The following SPMIP2 variants were observed in gnomAD, a reference collection of about 807,000 sequenced individuals.
SPMIP2 encodes the protein sperm microtubule inner protein 2, also known as protein SPMIP2.
the SPMIP2 span, among the ~76,000 whole-genome samples, chr4:158,932,874 T>C: frequency 1.3e-5 from 2 of 152,220 alleles, no homozygotes; most frequent in African/African-American, 4.8e-5. Context: ...AAGAGAGGAA[T>C]GGGAATAGTA....
chr4:159,063,977 G>T, the SPMIP2 span, among the ~76,000 whole-genome samples: 1 of 152,184 alleles, frequency 6.6e-6, no homozygotes, highest in East Asian at 1.9e-4. Context: ...TTCTAAAAAA[G>T]ACATGTAGGG....
chr4:158,908,407 A>G, the SPMIP2 span, among the ~76,000 whole-genome samples: 1 of 152,230 alleles, frequency 6.6e-6, no homozygotes, highest in Non-Finnish European at 1.5e-5. Flanking sequence ...AAAAAACACA[A>G]TGTATTTTTA....
At chr4:158,985,188 G>A in the SPMIP2 span, among the ~76,000 whole-genome samples, 1 of 143,306 alleles carries the variant, frequency 7.0e-6, no homozygotes, top group Non-Finnish European at 1.5e-5. Flanking sequence ...ATTCACAGCC[G>A]AATTCTACCA....
the SPMIP2 span, among the ~76,000 whole-genome samples, chr4:159,015,669 G>A: frequency 2.6e-5 from 4 of 152,084 alleles, no homozygotes; most frequent in Admixed American, 6.6e-5. Flanking sequence ...ACAATGCTTT[G>A]TAATTTGTAT....
At chr4:158,996,058 G>A in the SPMIP2 span, among the ~76,000 whole-genome samples, 13 of 152,150 alleles carry the variant, frequency 8.5e-5, no homozygotes, top group East Asian at 1.5e-3. Context: ...ACGACGTCTC[G>A]TTTGCTTTGG....
the SPMIP2 span, among the ~76,000 whole-genome samples, chr4:158,952,486 T>C: frequency 1.1e-4 from 17 of 152,336 alleles, no homozygotes; most frequent in Admixed American, 4.6e-4. Flanking sequence ...TGGAACTAAG[T>C]CCAATTAAAC....
chr4:159,043,387 C>T, the SPMIP2 span, among the ~76,000 whole-genome samples: 1 of 152,156 alleles, frequency 6.6e-6, no homozygotes, highest in African/African-American at 2.4e-5. Context: ...CACTCTGTCG[C>T]CCAGGCTGGA....
chr4:158,944,532 C>T, the SPMIP2 span, among the ~76,000 whole-genome samples: 4 of 152,220 alleles, frequency 2.6e-5, no homozygotes, highest in Non-Finnish European at 5.9e-5. Context: ...TCAAATACAA[C>T]CTAAAAATGA....
the SPMIP2 span, among the ~76,000 whole-genome samples, chr4:158,931,602 C>T: frequency 5.5e-4 from 83 of 152,216 alleles, no homozygotes; most frequent in Middle Eastern, 0.014. Flanking sequence ...GGGTCTGGCT[C>T]TTTTGCCCAG....
the SPMIP2 span, among the ~76,000 whole-genome samples, chr4:159,036,653 G>C: frequency 6.6e-6 from 1 of 152,172 alleles, no homozygotes; most frequent in Non-Finnish European, 1.5e-5. Context: ...TTATACAAGA[G>C]TGCTTCTCAT....
the SPMIP2 span, among the ~76,000 whole-genome samples, chr4:159,012,459 G>A: frequency 6.6e-6 from 1 of 152,208 alleles, no homozygotes; most frequent in Non-Finnish European, 1.5e-5. Context: ...ACAGCACCCA[G>A]AGAGGAAAGA....
the SPMIP2 span, among the ~76,000 whole-genome samples, chr4:158,925,844 A>G: frequency 2.6e-5 from 4 of 152,184 alleles, no homozygotes; most frequent in African/African-American, 9.7e-5. Flanking sequence ...AGTAACAGAA[A>G]TTTGGAGGAT....
At chr4:159,047,509 T>TA in the SPMIP2 span, among the ~76,000 whole-genome samples, 230 of 152,274 alleles carry the variant, frequency 1.5e-3, no homozygotes, top group African/African-American at 5.2e-3. Context: ...AATTTTTTTT[T>TA]ATCTCCTAGT....
the SPMIP2 span, among the ~76,000 whole-genome samples, chr4:158,990,119 T>C: frequency 6.6e-6 from 1 of 152,090 alleles, no homozygotes; most frequent in African/African-American, 2.4e-5. Flanking sequence ...AATAAACATA[T>C]GAAAAAAAGC....
At chr4:158,979,846 G>A in the SPMIP2 span, among the ~76,000 whole-genome samples, 2 of 142,466 alleles carry the variant, frequency 1.4e-5, no homozygotes, top group African/African-American at 5.3e-5. Flanking sequence ...ATGCCAGTGA[G>A]ACAGAACTGT....
chr4:158,911,280 G>A, the SPMIP2 span, among the ~76,000 whole-genome samples: 2 of 151,844 alleles, frequency 1.3e-5, no homozygotes, highest in Non-Finnish European at 2.9e-5. Context: ...CCCAGGAGGC[G>A]GAGGCTGCAG....
chr4:158,974,737 T>C, the SPMIP2 span, among the ~76,000 whole-genome samples: 6 of 152,096 alleles, frequency 3.9e-5, no homozygotes, highest in Admixed American at 1.3e-4. Context: ...GTTCCAAGTC[T>C]TTGCTACTGT....
the SPMIP2 span, among the ~76,000 whole-genome samples, chr4:158,972,348 T>C: frequency 2.0e-5 from 3 of 152,174 alleles, no homozygotes; most frequent in African/African-American, 7.2e-5. Context: ...GGCGGCAGAG[T>C]GAGACCCTGT....
At chr4:158,958,779 T>G in the SPMIP2 span, among the ~76,000 whole-genome samples, 1 of 152,110 alleles carries the variant, frequency 6.6e-6, no homozygotes, top group Non-Finnish European at 1.5e-5. Context: ...ACAGGGTAGG[T>G]GCTTATAGTC....
Sources: gnomAD v4.1 joint callset for allele counts (sites outside exome capture counted in the v4.1 genomes callset) on GRCh38, gnomAD v4.1.1 for gene constraint, MANE v1.5 for transcripts, NCBI Gene and HGNC (gene_info 2026-07-23, HGNC 2026-07-21) for gene names.